Variants in VAPA observed in about 807,000 individuals in gnomAD.
The protein encoded by VAPA is VAMP associated protein A.
VAPA carries 6 observed loss-of-function variants against 25.6 expected under a neutral mutation model. The observed-to-expected ratio is 0.23, with a 90% CI of 0.13 to 0.46. The LOEUF (loss-of-function observed/expected upper bound fraction) is 0.46, where lower values mean the gene tolerates loss of function less well. Ranked by LOEUF, VAPA falls within the 20% of genes least tolerant of loss-of-function variation. VAPA has a pLI of 0.99. For synonymous variants in VAPA, 112 were observed against 106.2 expected (o/e 1.05, Z -0.34); for missense variants, 244 against 302.1 (o/e 0.81, Z 1.43).
chr18:9,944,945 G>A (rs770974775), intron 4 of VAPA: 2 of 1,614,156 alleles, frequency 1.2e-6, no homozygotes, highest in South Asian at 2.2e-5. Flanking sequence ...ACCAGGGAAT[G>A]CTCCGACTGT....
At chr18:9,937,709 T>C (rs1211326816) in intron 4 of VAPA, among the ~76,000 whole-genome samples, 1 of 152,166 alleles carries the variant, frequency 6.6e-6, no homozygotes, top group African/African-American at 2.4e-5. Context: ...TTGAATCTTT[T>C]CCTATGGTGA....
intron 5 of VAPA, 149 bp downstream of exon 5, chr18:9,950,717 C>G: frequency 1.4e-6 from 1 of 700,942 alleles, no homozygotes; most frequent in Non-Finnish European, 2.3e-6. Flanking sequence ...CACCCTACTC[C>G]TCTTTTAACA....
At position 9,944,091 on chromosome 18, in the gene VAPA, C is replaced by T. The variant is rs574876302; in HGVS notation, c.418-6304C>T. On this transcript the variant is annotated intron_variant, in intron 4 of 5. Transcript: ENST00000400000. ...GTGTCAATCTCCTGACCTTGTGATC[C>T]GCCCGCCTTGGCCTCCCAAAGTGCT... Among the ~76,000 whole-genome samples the T allele has an allele frequency of 2.2e-4, 33 of 151,802 alleles. No homozygotes were observed. The South Asian group carries it at 6.0e-3, about 28-fold the overall frequency.
chr18:9,941,235 C>T (rs1012241307), intron 4 of VAPA, among the ~76,000 whole-genome samples: 4 of 151,776 alleles, frequency 2.6e-5, no homozygotes, highest in Non-Finnish European at 2.9e-5. Flanking sequence ...TATTAACTAC[C>T]CTGCAGATTG....
intron 4 of VAPA, among the ~76,000 whole-genome samples, chr18:9,946,722 GTGAA>G (rs1203683485): frequency 6.6e-6 from 1 of 152,060 alleles, no homozygotes; most frequent in Non-Finnish European, 1.5e-5. Flanking sequence ...TGAGTGGTGA[GTGAA>G]TGGGAAGGCC....
rs1297704839 is a variant in VAPA, at chr18:9,955,164, ACT to A, written c.*958_*959del. 2.0e-5 allele frequency: 3 copies of A among 152,236 alleles called. No individual in the cohort carries two copies. The highest frequency in any genetic ancestry group is 4.1e-4 in the South Asian group (2 of 4,824). 9.4% of individuals were successfully genotyped at this position (152,236 alleles called of 1,614,324 possible). ...AGAGTATGTTCTCAAGGAAGATTTA[ACT>A]CTCTTTGGTTTTAAATTACTTTTTA... is the stretch of plus-strand genomic sequence containing the variant. On this transcript the variant is annotated 3_prime_UTR_variant, in exon 6 of 6. Transcript: ENST00000400000.
chr18:9,926,319 A>G (rs140459956), intron 1 of VAPA, among the ~76,000 whole-genome samples: 294 of 152,294 alleles, frequency 1.9e-3, no homozygotes, highest in Middle Eastern at 3.4e-3. Flanking sequence ...AACCTGTTAG[A>G]AACATTGAAG....
intron 4 of VAPA, among the ~76,000 whole-genome samples, chr18:9,938,948 TG>T (rs2069338529): frequency 6.6e-6 from 1 of 152,140 alleles, no homozygotes; most frequent in African/African-American, 2.4e-5. Flanking sequence ...ATCCCAGACT[TG>T]GTATAATTTA....
chr18:9,930,355 A>G lies in VAPA; in HGVS notation c.80-1455A>G, dbSNP rs1032894442. On this transcript the variant is annotated intron_variant, in intron 1 of 5. Transcript: ENST00000400000. ...TTAAAGTCCTAGTCAAAATAGTCCT[A>G]TAACATTTTACATTTTTAAGCGTTT... Among the ~76,000 whole-genome samples the G allele has an allele frequency of 3.3e-5, 5 of 152,148 alleles. No homozygotes were observed. The East Asian group carries it at 5.8e-4, about 18-fold the overall frequency.
chr18:9,921,818 T>A (rs1424749968), intron 1 of VAPA, among the ~76,000 whole-genome samples: 3 of 152,196 alleles, frequency 2.0e-5, no homozygotes, highest in Admixed American at 2.0e-4. Flanking sequence ...CTCAAATTAG[T>A]TTTAAATTAG....
At chr18:9,951,785 A>C (rs2069492859) in intron 5 of VAPA, among the ~76,000 whole-genome samples, 1 of 152,198 alleles carries the variant, frequency 6.6e-6, no homozygotes, top group African/African-American at 2.4e-5. Flanking sequence ...TACACTCTAA[A>C]TTAAAGGCAC....
chr18:9,925,772 G>A (rs534544673), intron 1 of VAPA, among the ~76,000 whole-genome samples: 2 of 152,182 alleles, frequency 1.3e-5, no homozygotes, highest in South Asian at 2.1e-4. Flanking sequence ...CTTATTTCAG[G>A]AAGTGTTCAG....
At chr18:9,937,394 C>G (rs1046115121) in intron 4 of VAPA, among the ~76,000 whole-genome samples, 13 of 152,030 alleles carry the variant, frequency 8.6e-5, no homozygotes, top group Admixed American at 2.0e-4. Context: ...TTTAAAAATA[C>G]ATATAAATTG....
rs769482870 is a variant in VAPA at position 9,919,341 on chromosome 18, T to C, written c.79+5006T>C. Among the ~76,000 whole-genome samples the C allele has an allele frequency of 2.1e-4, 32 of 152,250 alleles. 1 individual carries two copies. Among genetic ancestry groups the C allele is most frequent in the Non-Finnish European group, 4.1e-4 (28 of 68,046 alleles). ...TTTATTTTTAAAATTCATTCAATTA[T>C]GGATCTAATTTGATTAGATTTGAGT... On this transcript the variant is annotated intron_variant, in intron 1 of 5. Transcript: ENST00000400000.
intron 4 of VAPA, among the ~76,000 whole-genome samples, chr18:9,944,268 A>C (rs1034452496): frequency 6.6e-6 from 1 of 152,168 alleles, no homozygotes; most frequent in African/African-American, 2.4e-5. Context: ...TTATCATAAA[A>C]TGGTTGAATA....
intron 1 of VAPA, among the ~76,000 whole-genome samples, chr18:9,922,040 CTGT>C (rs1197059878): frequency 2.0e-5 from 3 of 152,100 alleles, no homozygotes; most frequent in Non-Finnish European, 4.4e-5. Context: ...TGCAGTGGTG[CTGT>C]TATAGCTCAC....
In VAPA at chr18:9,957,193, G is replaced by A. The variant is rs1332237098; in HGVS notation, c.*2982G>A. ...ATTACAGGTGTGAGCCAACAAGCCC[G>A]GCTAATTTTTGTATTTTTAGTAGAG... is the stretch of plus-strand genomic sequence containing the variant. On this transcript the variant is annotated 3_prime_UTR_variant, in exon 6 of 6. Transcript: ENST00000400000. 1.3e-5 allele frequency: 2 copies of A among 151,942 alleles called. No homozygotes were observed. The highest frequency in any genetic ancestry group is 2.1e-4 in the South Asian group (1 of 4,812). 9.4% of individuals were successfully genotyped at this position (151,942 alleles called of 1,614,324 possible).
rs1193301220 is a variant in VAPA at position 9,955,911 on chromosome 18, T to C, written c.*1700T>C. The C allele has an allele frequency of 3.9e-5, 6 of 152,192 alleles. No homozygotes were observed. Among genetic ancestry groups the C allele is most frequent in the Admixed American group, 6.5e-5 (1 of 15,276 alleles). The allele number at this position is 152,192 out of a possible 1,614,324, so 9.4% of individuals were successfully genotyped here. A position where few individuals can be genotyped will look rare whatever the true frequency, so the allele number is the denominator to read the frequency against. ...TTGTAAAAATCCCCCTCTCCCCTTT[T>C]CTGGTAACTGGAAAAGCATGCTAAA... On this transcript the variant is annotated 3_prime_UTR_variant, in exon 6 of 6. Coordinates refer to ENST00000400000, the MANE Select transcript of VAPA (RefSeq NM_194434.3).
chr18:9,914,414 G>C, intron 1 of VAPA, 79 bp downstream of exon 1: 8 of 1,340,298 alleles, frequency 6.0e-6, no homozygotes, highest in Non-Finnish European at 8.0e-6. Context: ...CGGAGGGCAC[G>C]TCCGCGGCCC....
Sources: gnomAD v4.1 joint callset for allele counts (sites outside exome capture counted in the v4.1 genomes callset) on GRCh38, gnomAD v4.1.1 for gene constraint, MANE v1.5 for transcripts, NCBI Gene and HGNC (gene_info 2026-07-23, HGNC 2026-07-21) for gene names.